RBFOX2: variants seen among roughly 807,000 people sequenced by gnomAD.
RBFOX2 encodes RNA binding fox-1 homolog 2.
Under a neutral mutation model 49.1 loss-of-function variants are expected in RBFOX2, and 10 were observed. The observed-to-expected ratio is 0.20, with a 90% CI of 0.13 to 0.35. The LOEUF is 0.35. RBFOX2 is among the 10% of genes least tolerant of loss of function. RBFOX2 has a pLI of 1.00. For synonymous variants in RBFOX2, 183 were observed against 187.4 expected (o/e 0.98, Z 0.19); for missense variants, 323 against 486.9 (o/e 0.66, Z 3.17).
intron 1 of RBFOX2, among the ~76,000 whole-genome samples, chr22:35,957,028 A>C (rs983816815): frequency 1.3e-5 from 2 of 152,156 alleles, no homozygotes. Context: ...TTTGTGGCAT[A>C]ATAAGCCCAT....
In RBFOX2 at chr22:35,763,685, C is replaced by T. The variant is rs547574085; in HGVS notation, c.607+1738G>A. Among the ~76,000 whole-genome samples the T allele has an allele frequency of 1.6e-4, 24 of 152,146 alleles. No homozygotes were observed. In the South Asian group the frequency reaches 2.5e-3, roughly 16 times the overall value. On this transcript the variant is annotated intron_variant, in intron 6 of 11. Transcript: ENST00000405409. ...GATGCCCTTTGACCTTCACAAAACC[C>T]AAAGAGGAAGGTAAAATAGATACCA...
At chr22:35,951,269 C>T (rs1264008272) in intron 1 of RBFOX2, among the ~76,000 whole-genome samples, 4 of 59,366 alleles carry the variant, frequency 6.7e-5, no homozygotes, top group South Asian at 1.2e-3. Context: ...TTTTTTGAGA[C>T]GGAGTTTTGC....
rs374793691 is a variant in RBFOX2 at position 35,755,143 on chromosome 22, T to A, written c.887+4745A>T. On this transcript the variant is annotated intron_variant, in intron 9 of 11. Transcript: ENST00000405409. ...AAAGTAAGGGTGGAGAAAGTATTTC[T>A]AGACAATTTTAACCTATCCCCACAG... Among the ~76,000 whole-genome samples the A allele has an allele frequency of 2.6e-5, 4 of 152,244 alleles. No homozygotes were observed. The East Asian group carries it at 7.7e-4, about 29-fold the overall frequency.
At chr22:35,893,424 G>A (rs1195235296) in intron 1 of RBFOX2, among the ~76,000 whole-genome samples, 1 of 152,208 alleles carries the variant, frequency 6.6e-6, no homozygotes, top group African/African-American at 2.4e-5. Flanking sequence ...GAGTGAAAAT[G>A]AGATTAATTC....
At chr22:35,976,222 A>G (rs1309017061) in intron 1 of RBFOX2, among the ~76,000 whole-genome samples, 2 of 152,158 alleles carry the variant, frequency 1.3e-5, no homozygotes, top group Non-Finnish European at 2.9e-5. Context: ...TTTTCATGTT[A>G]AATCCCCCTG....
At chr22:35,761,906 T>G (rs949673880) in intron 6 of RBFOX2, among the ~76,000 whole-genome samples, 1 of 152,194 alleles carries the variant, frequency 6.6e-6, no homozygotes, top group East Asian at 1.9e-4. Flanking sequence ...AAGGTATCCA[T>G]GGGCTGAACT....
At chr22:35,758,637 A>G (rs1424072037) in intron 9 of RBFOX2, among the ~76,000 whole-genome samples, 2 of 152,252 alleles carry the variant, frequency 1.3e-5, no homozygotes, top group Non-Finnish European at 2.9e-5. Flanking sequence ...AAGTAATGGC[A>G]TAAGATGGAG....
intron 1 of RBFOX2, among the ~76,000 whole-genome samples, chr22:36,002,229 C>T (rs112913447): frequency 3.6e-4 from 55 of 152,162 alleles, no homozygotes; most frequent in African/African-American, 1.3e-3. Flanking sequence ...ATGTGCAGAC[C>T]CTTAGAAACA....
chr22:35,960,035 T>G (rs1410892035), intron 1 of RBFOX2, among the ~76,000 whole-genome samples: 1 of 152,228 alleles, frequency 6.6e-6, no homozygotes, highest in South Asian at 2.1e-4. Context: ...TTTTCTGAAT[T>G]ATTTTCAATC....
chr22:35,962,600 C>T (rs2149959749), upstream of RBFOX2, among the ~76,000 whole-genome samples: 1 of 152,236 alleles, frequency 6.6e-6, no homozygotes, highest in Admixed American at 6.5e-5. Context: ...ATAAAATATA[C>T]ATAACTTCTT....
chr22:35,765,983 G>A (rs886937699), intron 5 of RBFOX2, among the ~76,000 whole-genome samples: 1 of 152,110 alleles, frequency 6.6e-6, no homozygotes, highest in South Asian at 2.1e-4. Context: ...AACAAATATA[G>A]AAACCTAAGA....
At chr22:35,983,000 A>G (rs892588035) in intron 1 of RBFOX2, among the ~76,000 whole-genome samples, 1 of 152,086 alleles carries the variant, frequency 6.6e-6, no homozygotes, top group Admixed American at 6.6e-5. Context: ...CTCCCCTACA[A>G]GGCAGCAAAG....
intron 1 of RBFOX2, among the ~76,000 whole-genome samples, chr22:35,969,155 A>T (rs1056001769): frequency 6.6e-6 from 1 of 152,186 alleles, no homozygotes; most frequent in Non-Finnish European, 1.5e-5. Context: ...GAAGATAAAA[A>T]GAGGTACCTG....
intron 1 of RBFOX2, among the ~76,000 whole-genome samples, chr22:35,917,694 GA>G (rs1172566815): frequency 6.6e-6 from 1 of 152,224 alleles, no homozygotes; most frequent in Non-Finnish European, 1.5e-5. Flanking sequence ...GGGGAGGCCA[GA>G]AGGGGCTGGG....
At chr22:35,760,131 C>G in intron 8 of RBFOX2, 111 bp from the exon 10 acceptor site, 1 of 1,423,296 alleles carries the variant, frequency 7.0e-7, no homozygotes, top group Non-Finnish European at 9.8e-7. Context: ...ATACGAACCA[C>G]ACCTTTTTGG....
chr22:35,946,254 G>T (rs1239835111), intron 1 of RBFOX2, among the ~76,000 whole-genome samples: 1 of 152,100 alleles, frequency 6.6e-6, no homozygotes, highest in Non-Finnish European at 1.5e-5. Flanking sequence ...TACAACTCCT[G>T]ACTCTCAAAT....
chr22:35,834,997 A>G (rs1293105538), intron 1 of RBFOX2, among the ~76,000 whole-genome samples: 1 of 152,230 alleles, frequency 6.6e-6, no homozygotes, highest in Non-Finnish European at 1.5e-5. Context: ...GGGAATAGAC[A>G]CAATACATTG....
chr22:35,760,183 C>T lies in RBFOX2; in HGVS notation c.755-163G>A, dbSNP rs573555742. The stretch of plus-strand genomic sequence containing the variant: ...TCAATAAACGTTCTACCCTGGGTCT[C>T]TCAGTGGGGAAGAAATGGAAAGAGA... On this transcript the variant is annotated intron_variant, in intron 8 of 11. Transcript: ENST00000405409. The T allele has an allele frequency of 2.7e-5, 23 of 858,074 alleles. No homozygotes were observed. The East Asian group carries it at 5.9e-4, about 22-fold the overall frequency. 53.2% of individuals were successfully genotyped at this position (858,074 alleles called of 1,614,324 possible). A position where few individuals can be genotyped will look rare whatever the true frequency, so the allele number is the denominator to read the frequency against.
At chr22:35,954,077 G>T (rs1248618343) in intron 1 of RBFOX2, among the ~76,000 whole-genome samples, 5 of 151,980 alleles carry the variant, frequency 3.3e-5, no homozygotes, top group African/African-American at 1.2e-4. Flanking sequence ...CAATATATAT[G>T]TTTTTTTATG....
Sources: allele counts gnomAD v4.1 joint callset (sites outside exome capture counted in the v4.1 genomes callset), GRCh38; gene constraint gnomAD v4.1.1; transcripts MANE v1.5; gene names NCBI Gene and HGNC (gene_info 2026-07-23, HGNC 2026-07-21).